The following EBF1 variants were observed in gnomAD, a reference collection of about 807,000 sequenced individuals.
EBF1 encodes transcription factor COE1.
EBF1 carries 10 observed loss-of-function variants against 68.4 expected under a neutral mutation model. The ratio of observed to expected loss-of-function variants is 0.15; its 90% CI spans 0.09 to 0.25. The LOEUF (loss-of-function observed/expected upper bound fraction) is 0.25. EBF1 is among the 10% of genes least tolerant of loss of function. The pLI is 1.00. For synonymous variants in EBF1, 298 were observed against 299.8 expected (o/e 0.99, Z 0.06); for missense variants, 509 against 794.4 (o/e 0.64, Z 4.32).
At chr5:158,896,037 C>T (rs933823731) in intron 6 of EBF1, among the ~76,000 whole-genome samples, 1 of 152,126 alleles carries the variant, frequency 6.6e-6, no homozygotes, top group Non-Finnish European at 1.5e-5. Flanking sequence ...AAATTAAAGG[C>T]AAAGTCAGGT....
At chr5:159,088,234 G>C (rs1300204371) in intron 4 of EBF1, among the ~76,000 whole-genome samples, 1 of 152,102 alleles carries the variant, frequency 6.6e-6, no homozygotes, top group Non-Finnish European at 1.5e-5. Context: ...CATCCTGATT[G>C]GATCCAGCAT....
At chr5:159,057,351 C>A (rs541828240) in intron 6 of EBF1, among the ~76,000 whole-genome samples, 9 of 152,296 alleles carry the variant, frequency 5.9e-5, no homozygotes, top group Non-Finnish European at 1.0e-4. Context: ...AGGTGATCCA[C>A]CTGCCTCAGC....
At chr5:158,727,499 C>A (rs543721247) in intron 11 of EBF1, among the ~76,000 whole-genome samples, 133 of 152,278 alleles carry the variant, frequency 8.7e-4, no homozygotes, top group Middle Eastern at 6.8e-3. Flanking sequence ...CAAAGTTGGT[C>A]ACATGTTCCT....
intron 6 of EBF1, among the ~76,000 whole-genome samples, chr5:159,035,310 AT>A (rs1242968163): frequency 6.6e-6 from 1 of 152,160 alleles, no homozygotes; most frequent in Non-Finnish European, 1.5e-5. Flanking sequence ...TTGGTAAAAA[AT>A]AAAAAATAAA....
intron 6 of EBF1, among the ~76,000 whole-genome samples, chr5:158,846,657 C>T (rs11747709): frequency 0.15 from 23,459 of 152,138 alleles, 1,879 homozygotes; most frequent in Non-Finnish European, 0.18. Context: ...TCAAAGAAAG[C>T]GTTTTGGTTC....
At chr5:158,754,536 C>A (rs1415875891) in intron 10 of EBF1, among the ~76,000 whole-genome samples, 2 of 152,186 alleles carry the variant, frequency 1.3e-5, no homozygotes, top group Admixed American at 6.5e-5. Flanking sequence ...GAGAAGGAAG[C>A]AAGTGATATG....
At chr5:158,745,002 C>T (rs1767228964) in intron 10 of EBF1, among the ~76,000 whole-genome samples, 1 of 152,108 alleles carries the variant, frequency 6.6e-6, no homozygotes, top group Non-Finnish European at 1.5e-5. Context: ...TTCTAATCTA[C>T]CCTAGATTTG....
At chr5:158,949,472 A>G (rs994626263) in intron 6 of EBF1, among the ~76,000 whole-genome samples, 2 of 152,228 alleles carry the variant, frequency 1.3e-5, no homozygotes, top group Admixed American at 6.5e-5. Flanking sequence ...CTCTACAAAA[A>G]CAACTTTTTA....
intron 6 of EBF1, among the ~76,000 whole-genome samples, chr5:158,850,809 C>A (rs1038295166): frequency 6.6e-6 from 1 of 152,062 alleles, no homozygotes; most frequent in Admixed American, 6.5e-5. Context: ...GAGTTTGAGA[C>A]CAGCCTGACC....
At chr5:159,003,827 A>T (rs544058486) in intron 6 of EBF1, among the ~76,000 whole-genome samples, 3 of 152,344 alleles carry the variant, frequency 2.0e-5, no homozygotes, top group Admixed American at 1.3e-4. Context: ...TGGAGCTAAG[A>T]TTACACAAGT....
chr5:159,096,326 C>T lies in EBF1; in HGVS notation c.355+17G>A. 6.2e-7 allele frequency: 1 copy of T among 1,611,676 alleles called. No individual in the cohort carries two copies. Among genetic ancestry groups the T allele is most frequent in the East Asian group, 2.2e-5 (1 of 44,848 alleles). ...CGGAGCCCCAGGGTGAGGCCATAGA[C>T]CCGACCCGGGCCTCACCATTGCTGT... On this transcript the variant is annotated intron_variant, in intron 3 of 15. Coordinates refer to ENST00000313708, the MANE Select transcript of EBF1 (RefSeq NM_024007.5).
chr5:158,738,991 A>G (rs1009708751), intron 10 of EBF1, among the ~76,000 whole-genome samples: 1 of 152,222 alleles, frequency 6.6e-6, no homozygotes, highest in Non-Finnish European at 1.5e-5. Flanking sequence ...GTCAACTAAC[A>G]CAAACCTTTT....
chr5:159,006,367 G>T (rs1195266828), intron 6 of EBF1, among the ~76,000 whole-genome samples: 1 of 152,028 alleles, frequency 6.6e-6, no homozygotes, highest in East Asian at 1.9e-4. Context: ...CCTTATCCCA[G>T]AGTGGTGGCC....
chr5:159,051,422 C>T (rs1458264941), intron 6 of EBF1, among the ~76,000 whole-genome samples: 1 of 131,702 alleles, frequency 7.6e-6, no homozygotes, highest in East Asian at 2.4e-4. Context: ...CTCCCCCCCG[C>T]TCCCGCAGCC....
chr5:159,094,938 A>G (rs1456149326), intron 4 of EBF1, among the ~76,000 whole-genome samples: 1 of 152,124 alleles, frequency 6.6e-6, no homozygotes, highest in African/African-American at 2.4e-5. Context: ...CTCAACCTTA[A>G]TGTATACTGC....
At chr5:158,947,807 T>A (rs1263243385) in intron 6 of EBF1, among the ~76,000 whole-genome samples, 1 of 152,066 alleles carries the variant, frequency 6.6e-6, no homozygotes, top group African/African-American at 2.4e-5. Flanking sequence ...GGGATGAAAA[T>A]CATTTACCTC....
intron 6 of EBF1, among the ~76,000 whole-genome samples, chr5:158,904,218 G>C (rs547969595): frequency 6.6e-6 from 1 of 152,320 alleles, no homozygotes; most frequent in South Asian, 2.1e-4. Flanking sequence ...CTATAAAACA[G>C]AGAAGAAATA....
intron 6 of EBF1, among the ~76,000 whole-genome samples, chr5:158,914,464 C>T (rs1031603632): frequency 6.6e-6 from 1 of 152,120 alleles, no homozygotes; most frequent in Non-Finnish European, 1.5e-5. Flanking sequence ...CTATTAGGCC[C>T]CTTGCTGTTC....
intron 4 of EBF1, among the ~76,000 whole-genome samples, chr5:159,090,443 C>T (rs1190127881): frequency 1.3e-5 from 2 of 152,114 alleles, no homozygotes; most frequent in African/African-American, 4.8e-5. Flanking sequence ...CAATTAGCAG[C>T]TTGGCTACTG....
Sources: allele counts gnomAD v4.1 joint callset (sites outside exome capture counted in the v4.1 genomes callset), GRCh38; gene constraint gnomAD v4.1.1; transcripts MANE v1.5; gene names NCBI Gene and HGNC (gene_info 2026-07-23, HGNC 2026-07-21).